The following MX2 variants were observed in gnomAD, a reference collection of about 807,000 sequenced individuals.
MX2 encodes MX dynamin like GTPase 2.
MX2 carries 51 observed loss-of-function variants against 74.0 expected under a neutral mutation model. The ratio of observed to expected loss-of-function variants is 0.69; its 90% CI spans 0.55 to 0.87. The LOEUF is 0.87. Ranked by LOEUF, MX2 falls within the 40% of genes least tolerant of loss-of-function variation. The probability of loss-of-function intolerance (pLI) is 0.00; values close to 1 mark genes in which losing one functional copy is unlikely to be tolerated. For missense variants in MX2, 832 were observed against 908.7 expected (o/e 0.92, Z 1.09); for synonymous variants, 369 against 339.3 (o/e 1.09, Z -0.96).
intron 1 of MX2, among the ~76,000 whole-genome samples, chr21:41,372,011 CA>C (rs2089332755): frequency 6.6e-6 from 1 of 152,178 alleles, no homozygotes; most frequent in Admixed American, 6.5e-5. Context: ...GTGATTCAGA[CA>C]GTGAAGTGTC....
In MX2 at chr21:41,392,526, T is replaced by C. The variant is rs147161752; in HGVS notation, c.871+1823T>C. Among the ~76,000 whole-genome samples the C allele has an allele frequency of 1.1e-3, 168 of 152,172 alleles. 1 individual carries two copies. The highest frequency in any genetic ancestry group is 4.3e-3 in the East Asian group (22 of 5,172). Reference sequence around the variant, plus strand: ...GACTGGAGGGTGGGGAAGTGGGAAATTGTTGTTCAATGGGTGAAGAGCTTT... The same window carrying C: ...GACTGGAGGGTGGGGAAGTGGGAAACTGTTGTTCAATGGGTGAAGAGCTTT... On this transcript the variant is annotated intron_variant, in intron 6 of 13. Coordinates refer to ENST00000330714, the MANE Select transcript of MX2 (RefSeq NM_002463.2).
chr21:41,381,329 A>T (rs1470672459), intron 4 of MX2, among the ~76,000 whole-genome samples: 2 of 152,116 alleles, frequency 1.3e-5, no homozygotes, highest in South Asian at 2.1e-4. Flanking sequence ...GGGCCAGGAG[A>T]GCTGTCTCTA....
chr21:41,395,735 A>G lies in MX2; in HGVS notation c.1020A>G (p.Ala340=). 2.5e-6 allele frequency: 4 copies of G among 1,614,222 alleles called. No homozygotes were observed. The highest frequency in any genetic ancestry group is 3.4e-6 in the Non-Finnish European group (4 of 1,180,044). ...QQEITNRLSL[A]EATKKEITFF... ...AGATCACAAACAGGCTGAGCTTGGC[A>G]GAGGCAACCAAGAAAGAAATTACAT... Residue 340 remains alanine (A), a synonymous_variant, in exon 7 of 14, where the codon GCA becomes GCG. Coordinates refer to ENST00000330714, the MANE Select transcript of MX2 (RefSeq NM_002463.2).
Position 41,380,809 on chromosome 21 carries a change from C to T in MX2, c.577+658C>T, listed in dbSNP as rs2089479621. On this transcript the variant is annotated intron_variant, in intron 4 of 13. Transcript: ENST00000330714. This position sits in a 1 kb window ranked among gnomAD's most constrained non-coding sequence, Gnocchi z 4.3. ...CCGAGGGGCCCTAGTGGTTACGTCC[C>T]TTGGAGTGCACAGCCCTGCCTGCCC... is the stretch of plus-strand genomic sequence containing the variant. Among the ~76,000 whole-genome samples the T allele has an allele frequency of 6.6e-6, 1 of 152,236 alleles. No homozygotes were observed. Among genetic ancestry groups the T allele is most frequent in the Non-Finnish European group, 1.5e-5 (1 of 68,050 alleles).
rs187267319 is a variant in MX2 at position 41,395,490 on chromosome 21, C to T, written c.872-97C>T. On this transcript the variant is annotated intron_variant, in intron 6 of 13. Transcript: ENST00000330714. ...CTGGAGGATCAAGACTGCAGAAGAC[C>T]TTGTTGGCCAAAAAAGGAGCCCATA... 1.5e-4 allele frequency: 165 copies of T among 1,098,408 alleles called. 1 individual carries two copies. The African/African-American group carries it at 2.3e-3, about 15-fold the overall frequency. The allele number at this position is 1,098,408 out of a possible 1,614,324, so 68.0% of individuals were successfully genotyped here.
Position 41,403,355 on chromosome 21 carries a change from G to C in MX2, c.1650+12G>C, listed in dbSNP as rs771692587. 8.7e-6 allele frequency: 14 copies of C among 1,605,898 alleles called. No individual in the cohort carries two copies. The highest frequency in any genetic ancestry group is 1.2e-5 in the Non-Finnish European group (14 of 1,172,750). ...ACCAAACTGTTCAGGTAAGCACCCA[G>C]AGTTCACTTGCTAGTCACCTGGACC... On this transcript the variant is annotated intron_variant, in intron 12 of 13. Coordinates refer to ENST00000330714, the MANE Select transcript of MX2 (RefSeq NM_002463.2).
At chr21:41,407,834 C>T (rs901952378) in intron 13 of MX2, among the ~76,000 whole-genome samples, 157 bp from the exon 14 acceptor site, 2 of 152,136 alleles carry the variant, frequency 1.3e-5, no homozygotes, top group South Asian at 4.2e-4. Flanking sequence ...AGAACCTTCA[C>T]GGGGCTTGAT....
intron 7 of MX2, among the ~76,000 whole-genome samples, chr21:41,396,005 C>T (rs965566776): frequency 3.3e-5 from 5 of 152,342 alleles, no homozygotes; most frequent in East Asian, 3.9e-4. Context: ...TGTGTCATGA[C>T]ATAAAGCGTA....
rs772228711 is a variant in MX2, at chr21:41,363,061, G to A, written c.-72+1006G>A. ...GGCGTAAGCCACCCCATTCGGCTTT[G>A]ATGACACCTTTTGAACACTGTTCTT... On this transcript the variant is annotated intron_variant, in intron 1 of 13. Transcript: ENST00000330714. This position sits in a 1 kb window ranked among gnomAD's most constrained non-coding sequence, Gnocchi z 4.2. 2.0e-5 allele frequency among the ~76,000 whole-genome samples: 3 copies of A among 152,030 alleles called. No individual in the cohort carries two copies. Among genetic ancestry groups the A allele is most frequent in the Admixed American group, 6.5e-5 (1 of 15,272 alleles).
intron 6 of MX2, 77 bp from the exon 7 acceptor site, chr21:41,395,509 GC>G: frequency 7.3e-7 from 1 of 1,375,706 alleles, no homozygotes; most frequent in Non-Finnish European, 1.0e-6. Context: ...CAAAAAAGGA[GC>G]CCATAGTCCA....
intron 2 of MX2, 31 bp from the exon 3 acceptor site, chr21:41,377,758 A>C: frequency 3.8e-6 from 6 of 1,583,578 alleles, no homozygotes; most frequent in Non-Finnish European, 5.2e-6. Context: ...ATCAGGGGTC[A>C]AGGCAGTGGC....
At chr21:41,395,899 C>A in intron 7 of MX2, 114 bp downstream of exon 7, 1 of 947,880 alleles carries the variant, frequency 1.1e-6, no homozygotes, top group Non-Finnish European at 1.6e-6. Flanking sequence ...GGTAGTATAA[C>A]CTAGCCTCAC....
chr21:41,373,169 C>T (rs2089347094), intron 1 of MX2, among the ~76,000 whole-genome samples: 3 of 152,080 alleles, frequency 2.0e-5, no homozygotes. Flanking sequence ...GGCTGGGTGT[C>T]CAGAGCCTGG....
intron 1 of MX2, among the ~76,000 whole-genome samples, chr21:41,362,485 A>G (rs2838027): frequency 0.019 from 2,954 of 152,064 alleles, 66 homozygotes; most frequent in East Asian, 0.073. Flanking sequence ...ACGTAACCTT[A>G]GTGACGGTGA....
chr21:41,403,605 G>T (rs759909193), intron 12 of MX2: 1 of 696,718 alleles, frequency 1.4e-6, no homozygotes, highest in Admixed American at 1.8e-5. Context: ...ACGACCTTAC[G>T]CAGGATGTGG....
chr21:41,376,812 G>A (rs76462298), intron 1 of MX2, 24 bp from the exon 2 acceptor site: 16,967 of 1,550,410 alleles, frequency 0.011, 117 homozygotes, highest in African/African-American at 0.03. Context: ...CCTGTGGGCC[G>A]CTCTCCCTCT....
At chr21:41,390,517 C>G in intron 5 of MX2, 48 bp from the exon 6 acceptor site, 1 of 1,611,092 alleles carries the variant, frequency 6.2e-7, no homozygotes. Context: ...TGCTGAGTGA[C>G]CAGAAGTGAG....
intron 6 of MX2, among the ~76,000 whole-genome samples, chr21:41,391,429 C>T (rs2089659114): frequency 6.6e-6 from 1 of 151,688 alleles, no homozygotes; most frequent in Non-Finnish European, 1.5e-5. Context: ...CTCTATCCCC[C>T]AGACTGAAGT....
chr21:41,383,224 G>A lies in MX2; in HGVS notation c.732+660G>A, dbSNP rs553718643. The stretch of plus-strand genomic sequence containing the variant: ...ATATAAACAAAATTAGCCGGGTGCA[G>A]TGGTACATGCCTGGGGTTCCAGCTA... On this transcript the variant is annotated intron_variant, in intron 5 of 13. Coordinates refer to ENST00000330714, the MANE Select transcript of MX2 (RefSeq NM_002463.2). 3.3e-5 allele frequency among the ~76,000 whole-genome samples: 5 copies of A among 152,350 alleles called. No homozygotes were observed. The South Asian group carries it at 1.0e-3, about 32-fold the overall frequency.
Sources: allele counts gnomAD v4.1 joint callset (sites outside exome capture counted in the v4.1 genomes callset), GRCh38; gene constraint gnomAD v4.1.1; non-coding constraint Gnocchi (gnomAD v3.1); transcripts MANE v1.5; gene names NCBI Gene and HGNC (gene_info 2026-07-23, HGNC 2026-07-21).